HMGCLL1: variants seen among roughly 807,000 people sequenced by gnomAD.
HMGCLL1 encodes the protein 3-hydroxymethyl-3-methylglutaryl-CoA lyase, cytoplasmic.
HMGCLL1 carries 36 observed loss-of-function variants against 39.1 expected under a neutral mutation model. The ratio of observed to expected loss-of-function variants is 0.92; its 90% CI spans 0.71 to 1.22. The LOEUF (loss-of-function observed/expected upper bound fraction) is 1.22, where lower values mean the gene tolerates loss of function less well. Ranked by LOEUF, HMGCLL1 falls within the 50% of genes most tolerant of loss-of-function variation. The pLI, the probability that HMGCLL1 is intolerant of heterozygous loss-of-function variation, is 0.00. For missense variants in HMGCLL1, 451 were observed against 416.5 expected, an observed-to-expected ratio of 1.08 and a Z score of -0.72; for synonymous variants, 149 against 144.0, an observed-to-expected ratio of 1.03 and a Z score of -0.25.
the HMGCLL1 span, among the ~76,000 whole-genome samples, chr6:55,627,049 GAAAAAAA>G: frequency 0.021 from 1,761 of 85,834 alleles, 34 homozygotes; most frequent in African/African-American, 0.072. Flanking sequence ...CACTCCACCA[GAAAAAAA>G]AAAAAAAAAA....
chr6:55,669,822 A>G, the HMGCLL1 span, among the ~76,000 whole-genome samples: 2 of 151,874 alleles, frequency 1.3e-5, no homozygotes, highest in African/African-American at 2.4e-5. Flanking sequence ...GGTAGAAGAA[A>G]GATTTTTAAA....
chr6:55,583,680 G>T (rs1273463754), upstream of HMGCLL1, among the ~76,000 whole-genome samples: 1 of 152,082 alleles, frequency 6.6e-6, no homozygotes, highest in African/African-American at 2.4e-5. Context: ...CTTTATAGCA[G>T]CATGATTTAT....
At chr6:55,674,069 G>A in the HMGCLL1 span, among the ~76,000 whole-genome samples, 1 of 151,898 alleles carries the variant, frequency 6.6e-6, no homozygotes, top group Non-Finnish European at 1.5e-5. Context: ...AAGGACAAAA[G>A]GGATTGCTTC....
At chr6:55,659,505 T>C in the HMGCLL1 span, among the ~76,000 whole-genome samples, 1 of 151,888 alleles carries the variant, frequency 6.6e-6, no homozygotes, top group Non-Finnish European at 1.5e-5. Flanking sequence ...CTGGCATAAT[T>C]GGTTAATTGC....
At chr6:55,648,127 C>T in the HMGCLL1 span, among the ~76,000 whole-genome samples, 1 of 132,728 alleles carries the variant, frequency 7.5e-6, no homozygotes, top group Non-Finnish European at 1.6e-5. Context: ...GCATAGTATT[C>T]CATGGTGTAT....
the HMGCLL1 span, among the ~76,000 whole-genome samples, chr6:55,608,824 C>G: frequency 6.6e-6 from 1 of 152,374 alleles, no homozygotes; most frequent in African/African-American, 2.4e-5. Flanking sequence ...ATGGGAGACA[C>G]TCACCAAGGA....
At chr6:55,479,984 A>G (rs4712105) in intron 7 of HMGCLL1, among the ~76,000 whole-genome samples, 104,464 of 151,368 alleles carry the variant, frequency 0.69, 36,965 homozygotes, top group African/African-American at 0.83. Context: ...TTTAAAACAG[A>G]TTAAATGCTT....
At chr6:55,592,067 C>A in the HMGCLL1 span, among the ~76,000 whole-genome samples, 2 of 151,866 alleles carry the variant, frequency 1.3e-5, no homozygotes, top group African/African-American at 4.8e-5. Flanking sequence ...TCACTTAAAG[C>A]TTGAAATTAC....
chr6:55,577,911 C>T (rs1435159603), intron 1 of HMGCLL1, among the ~76,000 whole-genome samples: 3 of 152,046 alleles, frequency 2.0e-5, no homozygotes, highest in East Asian at 1.9e-4. Flanking sequence ...TTTTAAGTAA[C>T]GAGAAACAAA....
chr6:55,634,002 A>G, the HMGCLL1 span, among the ~76,000 whole-genome samples: 13 of 152,186 alleles, frequency 8.5e-5, no homozygotes, highest in South Asian at 2.1e-3. Flanking sequence ...TTCTTATATC[A>G]TATTACTTTC....
intron 3 of HMGCLL1, among the ~76,000 whole-genome samples, chr6:55,518,730 G>T (rs890829083): frequency 6.6e-6 from 1 of 152,104 alleles, no homozygotes; most frequent in Non-Finnish European, 1.5e-5. Flanking sequence ...GAGGCCCCCA[G>T]CCAATAGTCA....
the HMGCLL1 span, among the ~76,000 whole-genome samples, chr6:55,664,153 G>T: frequency 6.6e-6 from 1 of 151,762 alleles, no homozygotes; most frequent in Non-Finnish European, 1.5e-5. Flanking sequence ...TTTAGATGGG[G>T]CATTTAGCCC....
the HMGCLL1 span, among the ~76,000 whole-genome samples, chr6:55,639,759 A>C: frequency 6.6e-6 from 1 of 152,026 alleles, no homozygotes; most frequent in East Asian, 1.9e-4. Flanking sequence ...ATGACAATGA[A>C]AATTATGAAG....
the HMGCLL1 span, among the ~76,000 whole-genome samples, chr6:55,588,053 C>A: frequency 2.6e-5 from 4 of 152,076 alleles, no homozygotes; most frequent in East Asian, 7.7e-4. Flanking sequence ...ATCAAGTGGA[C>A]CTAATAGACA....
At chr6:55,637,240 C>G in the HMGCLL1 span, among the ~76,000 whole-genome samples, 1 of 152,078 alleles carries the variant, frequency 6.6e-6, no homozygotes, top group Non-Finnish European at 1.5e-5. Context: ...TTCTACAGAA[C>G]AAAATGAGAG....
At chr6:55,554,350 A>C (rs1276076225) in intron 1 of HMGCLL1, among the ~76,000 whole-genome samples, 1 of 152,108 alleles carries the variant, frequency 6.6e-6, no homozygotes, top group Non-Finnish European at 1.5e-5. Flanking sequence ...AAAAAGATCT[A>C]AAATTTTTTA....
At chr6:55,453,040 T>C (rs1433215942) in intron 7 of HMGCLL1, among the ~76,000 whole-genome samples, 2 of 152,086 alleles carry the variant, frequency 1.3e-5, no homozygotes, top group African/African-American at 4.8e-5. Flanking sequence ...GAATTGGGCT[T>C]TGAAGGATAT....
chr6:55,566,239 A>T (rs978582795), intron 1 of HMGCLL1, among the ~76,000 whole-genome samples: 3 of 152,148 alleles, frequency 2.0e-5, no homozygotes, highest in African/African-American at 7.2e-5. Flanking sequence ...ATTTGGAAGG[A>T]AAACTCAGAA....
At chr6:55,470,410 G>T (rs896385002) in intron 7 of HMGCLL1, among the ~76,000 whole-genome samples, 9 of 151,672 alleles carry the variant, frequency 5.9e-5, no homozygotes, top group Non-Finnish European at 1.3e-4. Flanking sequence ...GATATCAGAT[G>T]GACACTTTCT....
Sources: gnomAD v4.1 joint callset for allele counts (sites outside exome capture counted in the v4.1 genomes callset) on GRCh38, gnomAD v4.1.1 for gene constraint, MANE v1.5 for transcripts, NCBI Gene and HGNC (gene_info 2026-07-23, HGNC 2026-07-21) for gene names.